Variants in TIAM1 observed in about 807,000 individuals in gnomAD.
TIAM1 encodes the protein rho guanine nucleotide exchange factor TIAM1.
In TIAM1, 65 loss-of-function variants were observed where a neutral mutation model predicts 163.5. The observed-to-expected ratio is 0.40, with a 90% confidence interval of 0.33 to 0.49. TIAM1 has a LOEUF of 0.49. TIAM1 is among the 20% of genes least tolerant of loss of function. TIAM1 has a pLI of 0.77. For missense variants in TIAM1, 1,789 were observed against 2,044.7 expected, an observed-to-expected ratio of 0.87 and a Z score of 2.41; for synonymous variants, 833 against 810.1, an observed-to-expected ratio of 1.03 and a Z score of -0.48.
In TIAM1 at chr21:31,148,956, C is replaced by CTTTTTTTTTTTTTT. The variant is rs869158026; in HGVS notation, c.3367-1954_3367-1953insAAAAAAAAAAAAAA. Among the ~76,000 whole-genome samples, 13 of 28,842 alleles carry CTTTTTTTTTTTTTT rather than the reference C, an allele frequency of 4.5e-4. 1 individual carries two copies. The highest frequency in any genetic ancestry group is 1.0e-3 in the African/African-American group (11 of 10,702). 18.9% of individuals were successfully genotyped at this position (28,842 alleles called of 152,430 possible). The stretch of plus-strand genomic sequence containing the variant: ...AGTTTGAAGATTTTAACAAGTTTTT[C>CTTTTTTTTTTTTTT]TTTTTCTTTTTTTTTTGGTCAAATA... On this transcript the variant is annotated intron_variant, in intron 19 of 27. Transcript: ENST00000541036.
At chr21:31,482,272 C>T (rs983100504) in intron 1 of TIAM1, among the ~76,000 whole-genome samples, 1 of 152,062 alleles carries the variant, frequency 6.6e-6, no homozygotes, top group Non-Finnish European at 1.5e-5. Flanking sequence ...CTGCCTCAGC[C>T]TCCCGAGTAG....
intron 1 of TIAM1, among the ~76,000 whole-genome samples, chr21:31,487,848 C>T (rs1459530565): frequency 2.0e-5 from 3 of 152,094 alleles, no homozygotes; most frequent in East Asian, 1.9e-4. Context: ...TGAGCCACCG[C>T]GCCCGGCCTT....
chr21:31,428,585 A>G (rs183507678), intron 2 of TIAM1, among the ~76,000 whole-genome samples: 10 of 152,138 alleles, frequency 6.6e-5, no homozygotes, highest in African/African-American at 2.4e-4. Flanking sequence ...TGGAAACCTC[A>G]AGATGTAAAA....
chr21:31,205,634 C>T (rs1390743229), intron 11 of TIAM1, among the ~76,000 whole-genome samples: 3 of 152,154 alleles, frequency 2.0e-5, no homozygotes, highest in African/African-American at 7.2e-5. Context: ...TAATGCATTG[C>T]AGAGAACTAA....
At chr21:31,421,862 C>T (rs780124873) in intron 2 of TIAM1, among the ~76,000 whole-genome samples, 2 of 152,000 alleles carry the variant, frequency 1.3e-5, no homozygotes, top group Non-Finnish European at 2.9e-5. Context: ...TGGTAGTGCA[C>T]GCCAGTACTC....
chr21:31,539,875 T>C (rs1221411386), intron 1 of TIAM1, among the ~76,000 whole-genome samples: 2 of 152,186 alleles, frequency 1.3e-5, no homozygotes, highest in African/African-American at 4.8e-5. Flanking sequence ...TTTTGAGGAC[T>C]TCTTAATGAT....
chr21:31,210,658 AAAG>A (rs1196078116), intron 10 of TIAM1, among the ~76,000 whole-genome samples: 17 of 17,524 alleles, frequency 9.7e-4, no homozygotes, highest in African/African-American at 3.7e-3. Context: ...AGAAAGAAAG[AAAG>A]AAAGAAAAAG....
intron 1 of TIAM1, among the ~76,000 whole-genome samples, chr21:31,465,418 G>A (rs971606574): frequency 3.9e-5 from 6 of 151,978 alleles, no homozygotes; most frequent in African/African-American, 7.2e-5. Flanking sequence ...CTCTTAATAA[G>A]GGAGGGAACA....
intron 25 of TIAM1, among the ~76,000 whole-genome samples, chr21:31,127,711 C>T (rs181813063): frequency 8.7e-4 from 132 of 152,258 alleles, no homozygotes; most frequent in South Asian, 5.6e-3. Context: ...CCACCGCGCC[C>T]GGCCTGAACT....
In TIAM1 at chr21:31,266,325, C is replaced by T. The variant is rs371729363; in HGVS notation, c.648G>A (p.Thr216=). Residue 216 remains threonine, a synonymous_variant, in exon 4 of 28, where the codon ACG becomes ACA. Coordinates refer to ENST00000541036, the MANE Select transcript of TIAM1 (RefSeq NM_001353694.2). ...TGCTGAGCTGCCGCGGACTCGCCCGCGTTTCCATCCCCCGAGCCTCCTCGC... is the reference window on the plus strand; with the variant it reads ...TGCTGAGCTGCCGCGGACTCGCCCGTGTTTCCATCCCCCGAGCCTCCTCGC... ...KDCEEARGME[T]RASPRQLSTC... The T allele has an allele frequency of 1.5e-4, 242 of 1,614,142 alleles. No individual in the cohort carries two copies. Among genetic ancestry groups the T allele is most frequent in the Non-Finnish European group, 1.9e-4 (230 of 1,180,054 alleles).
chr21:31,381,953 A>C (rs1029702732), intron 2 of TIAM1, among the ~76,000 whole-genome samples: 23 of 152,200 alleles, frequency 1.5e-4, no homozygotes, highest in Non-Finnish European at 2.2e-4. Flanking sequence ...TTGGTCTTGG[A>C]CTTCCTCACC....
intron 2 of TIAM1, among the ~76,000 whole-genome samples, chr21:31,374,759 T>G (rs938756421): frequency 2.0e-5 from 3 of 152,238 alleles, no homozygotes; most frequent in African/African-American, 7.2e-5. Flanking sequence ...TTCCCAGAAT[T>G]TATTTATTCA....
rs2072534699 is a variant in TIAM1 at position 31,262,492 on chromosome 21, A to C, written c.963+3518T>G. Among the ~76,000 whole-genome samples, 3 of 152,240 alleles carry C rather than the reference A, an allele frequency of 2.0e-5. No individual in the cohort carries two copies. In the South Asian group the frequency reaches 6.2e-4, roughly 31 times the overall value. ...GGCTTTACTCATACTGACTCCCAAG[A>C]CAAACTTTTCTGCACAGCGCACATG... On this transcript the variant is annotated intron_variant, in intron 4 of 27. Coordinates refer to ENST00000541036, the MANE Select transcript of TIAM1 (RefSeq NM_001353694.2).
In TIAM1 at chr21:31,225,867, C is replaced by G; in HGVS notation, c.1668G>C (p.Lys556Asn). 1.9e-6 allele frequency: 3 copies of G among 1,614,144 alleles called. No homozygotes were observed. The highest frequency in any genetic ancestry group is 2.5e-6 in the Non-Finnish European group (3 of 1,180,038). Residue 556 changes from lysine (K) to asparagine (N), a missense_variant, in exon 7 of 28, where the codon AAG (lysine) becomes AAC (asparagine). Lys to Asn is a moderately conservative substitution (Grantham distance 94). This residue lies in a region of TIAM1 where 456 missense variants were observed against 586.6 expected (regional missense o/e 0.78). Coordinates refer to ENST00000541036, the MANE Select transcript of TIAM1 (RefSeq NM_001353694.2). ...CATAVARHHH[K>N]EDTLRLLKSE... ...ATTTCAGGAGTCGGAGCGTGTCTTC[C>G]TTGTGGTGGTGCCTCGCGACCGCAG... is the stretch of plus-strand genomic sequence containing the variant.
intron 1 of TIAM1, among the ~76,000 whole-genome samples, chr21:31,543,391 C>T: frequency 6.6e-6 from 1 of 152,232 alleles, no homozygotes; most frequent in East Asian, 1.9e-4. Flanking sequence ...CAAACACAGG[C>T]CAAGCTCCTC....
At chr21:31,143,831 A>C (rs2082976326) in intron 20 of TIAM1, among the ~76,000 whole-genome samples, 2 of 151,918 alleles carry the variant, frequency 1.3e-5, no homozygotes, top group Admixed American at 1.3e-4. Flanking sequence ...AGTTCAAGCA[A>C]TTGTCCTGCC....
At chr21:31,404,365 C>A (rs1053407370) in intron 2 of TIAM1, among the ~76,000 whole-genome samples, 48 of 152,172 alleles carry the variant, frequency 3.2e-4, no homozygotes, top group African/African-American at 1.1e-3. Context: ...GTTAAAAATA[C>A]TTAAGCAAAC....
chr21:31,340,592 T>C (rs1439886763), intron 1 of TIAM1, among the ~76,000 whole-genome samples: 1 of 152,142 alleles, frequency 6.6e-6, no homozygotes, highest in African/African-American at 2.4e-5. Context: ...CTCAAACTCC[T>C]GGGCTCAAGC....
intron 2 of TIAM1, among the ~76,000 whole-genome samples, chr21:31,350,170 C>T (rs926413535): frequency 6.6e-6 from 1 of 152,142 alleles, no homozygotes; most frequent in Middle Eastern, 3.2e-3. Context: ...TAAGCCTTCC[C>T]CAGAGAGTCC....
Sources: gnomAD v4.1 joint callset for allele counts (sites outside exome capture counted in the v4.1 genomes callset) on GRCh38, gnomAD v4.1.1 for gene constraint, gnomAD v4.1.1 regional missense constraint, MANE v1.5 for transcripts, NCBI Gene and HGNC (gene_info 2026-07-23, HGNC 2026-07-21) for gene names.